The following SDE2 variants were observed in gnomAD, a reference collection of about 807,000 sequenced individuals.
SDE2 encodes splicing regulator SDE2.
In SDE2, 31 loss-of-function variants were observed where a neutral mutation model predicts 46.9. The observed-to-expected ratio is 0.66, with a 90% CI of 0.50 to 0.89. The LOEUF is 0.89. Among genes scored for constraint, SDE2 ranks in the 40% least tolerant of loss-of-function variants. The pLI, the probability that SDE2 is intolerant of heterozygous loss-of-function variation, is 0.00. For synonymous variants in SDE2, 205 were observed against 204.3 expected (o/e 1.00, Z -0.03); for missense variants, 542 against 564.4 (o/e 0.96, Z 0.40).
At chr1:225,991,901 A>G (rs527963274) in intron 4 of SDE2, among the ~76,000 whole-genome samples, 58 of 152,360 alleles carry the variant, frequency 3.8e-4, no homozygotes, top group Non-Finnish European at 6.9e-4. Context: ...CCATGGCCCC[A>G]TGGAATTCAG....
In SDE2 at chr1:225,985,540, A is replaced by C. The variant is rs1656251440; in HGVS notation, c.1135-17T>G. 3 of 1,503,320 alleles carry C rather than the reference A, an allele frequency of 2.0e-6. No individual in the cohort carries two copies. The highest frequency in any genetic ancestry group is 2.8e-6 in the Non-Finnish European group (3 of 1,080,582). 93.1% of individuals were successfully genotyped at this position (1,503,320 alleles called of 1,614,324 possible). A position where few individuals can be genotyped will look rare whatever the true frequency, so the allele number is the denominator to read the frequency against. On this transcript the variant is annotated splice_polypyrimidine_tract_variant and intron_variant, in intron 6 of 6. Transcript: ENST00000272091. ...ATCAATAACCTGAGGGAAAAAAATAAGAAAATATTTAAAACAGGCTCCTTC... is the reference window on the plus strand; with the variant it reads ...ATCAATAACCTGAGGGAAAAAAATACGAAAATATTTAAAACAGGCTCCTTC...
chr1:225,987,930 A>G lies in SDE2; in HGVS notation c.1100T>C (p.Val367Ala). The change falls in exon 6 of 7, where the codon GTT becomes GCT. Residue 367 changes from valine (V) to alanine (A), a missense_variant. This residue lies in a region of SDE2 where 401 missense variants were observed against 437.8 expected (regional missense o/e 0.92). Coordinates refer to ENST00000272091, the MANE Select transcript of SDE2 (RefSeq NM_152608.4). ...VAPEERENVA[V>A]AKLQESQPGN... is the part of the protein sequence containing the mutation. ...TGGCTGGCTTTCCTGCAGTTTGGCA[A>G]CGGCAACGTTTTCCCTTTCTTCAGG... 1 of 1,612,506 alleles carries G rather than the reference A, an allele frequency of 6.2e-7. No homozygotes were observed. The highest frequency in any genetic ancestry group is 1.1e-5 in the South Asian group (1 of 90,686).
At position 225,982,786 on chromosome 1, in the gene SDE2, T is replaced by C. The variant is rs549532883; in HGVS notation, c.*2516A>G. 1.3e-5 allele frequency: 2 copies of C among 152,220 alleles called. No individual in the cohort carries two copies. The highest frequency in any genetic ancestry group is 4.1e-4 in the South Asian group (2 of 4,822). The allele number at this position is 152,220 out of a possible 1,614,324, so 9.4% of individuals were successfully genotyped here. A position where few individuals can be genotyped will look rare whatever the true frequency, so the allele number is the denominator to read the frequency against. ...ATTATTTAAAGCAGAAATTGTAACT[T>C]ATGACAGGACTTACAATATTTAAAT... is the stretch of plus-strand genomic sequence containing the variant. On this transcript the variant is annotated 3_prime_UTR_variant, in exon 7 of 7. Transcript: ENST00000272091.
rs754709441 is a variant in SDE2 at position 225,999,235 on chromosome 1, C to T, written c.78G>A (p.Arg26=). Residue 26 remains arginine (R), a synonymous_variant, in exon 1 of 7, where the codon CGG becomes CGA. Transcript: ENST00000272091. ...GCKAVRCASG[R]CTVRDFIHRH... Reference sequence around the variant, plus strand: ...GGTGGATAAAATCCCGGACGGTGCACCGACCCGAGGCACACCGCACCGCCT... The same window carrying T: ...GGTGGATAAAATCCCGGACGGTGCATCGACCCGAGGCACACCGCACCGCCT... 6.2e-7 allele frequency: 1 copy of T among 1,613,212 alleles called. No individual in the cohort carries two copies. Among genetic ancestry groups the T allele is most frequent in the East Asian group, 2.2e-5 (1 of 44,868 alleles).
intron 2 of SDE2, among the ~76,000 whole-genome samples, chr1:225,994,865 G>A (rs896153360): frequency 6.6e-6 from 1 of 152,034 alleles, no homozygotes; most frequent in Non-Finnish European, 1.5e-5. Context: ...GCAACATGGC[G>A]AAACCCCATC....
chr1:225,999,135 C>A, intron 1 of SDE2, 58 bp downstream of exon 1: 1 of 1,468,692 alleles, frequency 6.8e-7, no homozygotes, highest in African/African-American at 1.4e-5. Flanking sequence ...CTACTCCGCA[C>A]CCAGCGCTGC....
chr1:225,985,059 C>A lies in SDE2; in HGVS notation c.*243G>T. The A allele has an allele frequency of 8.6e-6, 4 of 465,640 alleles. No individual in the cohort carries two copies. Among genetic ancestry groups the A allele is most frequent in the South Asian group, 2.9e-5 (1 of 34,934 alleles). 28.8% of individuals were successfully genotyped at this position (465,640 alleles called of 1,614,324 possible). On this transcript the variant is annotated 3_prime_UTR_variant, in exon 7 of 7. Transcript: ENST00000272091. ...TACCTAAATGACACCAAGATCAAAC[C>A]AAAAAATGTGAATAGCCCTATATTT... is the stretch of plus-strand genomic sequence containing the variant.
At chr1:225,993,814 G>C (rs1039917591) in intron 2 of SDE2, among the ~76,000 whole-genome samples, 1 of 152,138 alleles carries the variant, frequency 6.6e-6, no homozygotes, top group Non-Finnish European at 1.5e-5. Context: ...ATCCAGGCTA[G>C]AGGGCAATGG....
At chr1:225,992,179 T>A (rs1401751922) in intron 4 of SDE2, among the ~76,000 whole-genome samples, 2 of 151,924 alleles carry the variant, frequency 1.3e-5, no homozygotes, top group Non-Finnish European at 2.9e-5. Context: ...GACTCCGTTT[T>A]GGGGGGAAAA....
rs971274476 is a variant in SDE2, at chr1:225,984,879, G to T, written c.*423C>A. 6.0e-6 allele frequency: 1 copy of T among 165,682 alleles called. No homozygotes were observed. The highest frequency in any genetic ancestry group is 1.3e-5 in the Non-Finnish European group (1 of 76,500). The allele number at this position is 165,682 out of a possible 1,614,324, so 10.3% of individuals were successfully genotyped here. Reference sequence around the variant, plus strand: ...ACCCCTACCCAACCTGATTAGGAAAGTGAGAACAGAAATTACCAGTATCAT... The same window carrying T: ...ACCCCTACCCAACCTGATTAGGAAATTGAGAACAGAAATTACCAGTATCAT... On this transcript the variant is annotated 3_prime_UTR_variant, in exon 7 of 7. Transcript: ENST00000272091.
chr1:225,999,244 G>A lies in SDE2; in HGVS notation c.69C>T (p.Ala23=). 2 of 1,613,422 alleles carry A rather than the reference G, an allele frequency of 1.2e-6. No individual in the cohort carries two copies. The highest frequency in any genetic ancestry group is 1.1e-5 in the South Asian group (1 of 91,006). ...PGFGCKAVRC[A]SGRCTVRDFI... ...AATCCCGGACGGTGCACCGACCCGA[G>A]GCACACCGCACCGCCTTGCACCCGA... Residue 23 remains alanine, a synonymous_variant, in exon 1 of 7, where the codon GCC becomes GCT. Transcript: ENST00000272091.
chr1:225,995,533 G>A, intron 1 of SDE2, 150 bp from the exon 2 acceptor site: 1 of 524,470 alleles, frequency 1.9e-6, no homozygotes, highest in Non-Finnish European at 3.4e-6. Context: ...ACTACTAGGA[G>A]AAAAAGTCAT....
chr1:225,995,154 T>A, intron 2 of SDE2, 112 bp downstream of exon 2: 2 of 628,950 alleles, frequency 3.2e-6, no homozygotes, highest in South Asian at 4.3e-5. Flanking sequence ...CTAAGAAGGT[T>A]GTTAATTTAA....
chr1:225,988,500 G>T, intron 5 of SDE2, 112 bp from the exon 6 acceptor site: 1 of 1,031,696 alleles, frequency 9.7e-7, no homozygotes, highest in Non-Finnish European at 1.4e-6. Context: ...GGAGGCCAAG[G>T]CAGGCAGATC....
intron 4 of SDE2, among the ~76,000 whole-genome samples, 190 bp downstream of exon 4, chr1:225,992,208 A>G (rs1885254): frequency 0.85 from 129,676 of 152,140 alleles, 55,529 homozygotes; most frequent in East Asian, 0.95. Flanking sequence ...CAAATGTTGT[A>G]TATGTGTTCT....
In SDE2 at chr1:225,995,329, T is replaced by C. The variant is rs530108297; in HGVS notation, c.175A>G (p.Ser59Gly). The change falls in exon 2 of 7, where the codon AGT becomes GGT. Residue 59 changes from serine to glycine, a missense_variant. Transcript: ENST00000272091. ...VKCNGALINT[S>G]DTVQHGAVYS... Reference sequence around the variant, plus strand: ...ACAGCTCCATGCTGCACTGTGTCACTGGTGTTAATGAGTGCTCCATTGCAT... The same window carrying C: ...ACAGCTCCATGCTGCACTGTGTCACCGGTGTTAATGAGTGCTCCATTGCAT... 6.4e-5 allele frequency: 104 copies of C among 1,613,090 alleles called. No homozygotes were observed. The highest frequency in any genetic ancestry group is 8.4e-5 in the Non-Finnish European group (99 of 1,179,246).
chr1:225,984,587 GA>G lies in SDE2; in HGVS notation c.*714del, dbSNP rs1418524962. 6.6e-6 allele frequency: 1 copy of G among 152,190 alleles called. No individual in the cohort carries two copies. Among genetic ancestry groups the G allele is most frequent in the Non-Finnish European group, 1.5e-5 (1 of 68,058 alleles). The allele number at this position is 152,190 out of a possible 1,614,324, so 9.4% of individuals were successfully genotyped here. On this transcript the variant is annotated 3_prime_UTR_variant, in exon 7 of 7. Coordinates refer to ENST00000272091, the MANE Select transcript of SDE2 (RefSeq NM_152608.4). ...GCACTCTGGGAGGCTGAGGCGGGTG[GA>G]CCACGAGGTAAAGAGATCGAGACCA...
intron 6 of SDE2, among the ~76,000 whole-genome samples, chr1:225,987,481 T>G (rs1324654791): frequency 6.6e-6 from 1 of 152,156 alleles, no homozygotes; most frequent in East Asian, 1.9e-4. Flanking sequence ...ATCCTCACAT[T>G]AGAAAAAGCT....
In SDE2 at chr1:225,988,353, G is replaced by A; in HGVS notation, c.677C>T (p.Ser226Phe). The change falls in exon 6 of 7, where the codon TCC (serine) becomes TTC (phenylalanine). Residue 226 changes from serine (S) to phenylalanine (F), a missense_variant. Transcript: ENST00000272091. ...GTCATCATCTGAACTCTCAGAGTTG[G>A]ACCCTTCTGCAGTCTCTAGTCCCTC... The part of the protein sequence containing the change: ...GMEGLETAEG[S>F]NSESSDDDSE... 6.2e-7 allele frequency: 1 copy of A among 1,614,112 alleles called. No individual in the cohort carries two copies. Among genetic ancestry groups the A allele is most frequent in the Non-Finnish European group, 8.5e-7 (1 of 1,179,966 alleles).
Sources: allele counts gnomAD v4.1 joint callset (sites outside exome capture counted in the v4.1 genomes callset), GRCh38; gene constraint gnomAD v4.1.1; regional missense constraint gnomAD v4.1.1; transcripts MANE v1.5; gene names NCBI Gene and HGNC (gene_info 2026-07-23, HGNC 2026-07-21).